SLC38A4: variants seen among roughly 807,000 people sequenced by gnomAD.
The protein encoded by SLC38A4 is solute carrier family 38 member 4.
Under a neutral mutation model 63.1 loss-of-function variants are expected in SLC38A4, and 20 were observed. The observed-to-expected ratio is 0.32, with a 90% CI of 0.22 to 0.46. The LOEUF (loss-of-function observed/expected upper bound fraction) is 0.46. SLC38A4 is among the 20% of genes least tolerant of loss of function. The pLI, the probability that SLC38A4 is intolerant of heterozygous loss-of-function variation, is 1.00. For missense variants in SLC38A4, 526 were observed against 663.6 expected (o/e 0.79, Z 2.28); for synonymous variants, 230 against 225.5 (o/e 1.02, Z -0.18).
chr12:46,794,855 C>T (rs1169440646), intron 2 of SLC38A4, among the ~76,000 whole-genome samples: 1 of 151,606 alleles, frequency 6.6e-6, no homozygotes, highest in African/African-American at 2.4e-5. Context: ...AAATAGCACA[C>T]AGTGTTTTAA....
At chr12:46,816,770 A>T (rs1939449990) in intron 1 of SLC38A4, among the ~76,000 whole-genome samples, 1 of 151,868 alleles carries the variant, frequency 6.6e-6, no homozygotes, top group South Asian at 2.1e-4. Context: ...GGTTTTCTAA[A>T]TTTTTTTGCA....
chr12:46,771,899 G>A (rs532392067), intron 14 of SLC38A4, among the ~76,000 whole-genome samples: 1 of 152,108 alleles, frequency 6.6e-6, no homozygotes, highest in East Asian at 1.9e-4. Context: ...TAGGAACCTG[G>A]AAATGTGGGT....
intron 1 of SLC38A4, among the ~76,000 whole-genome samples, chr12:46,815,278 T>C (rs199882436): frequency 0.14 from 11,599 of 85,310 alleles, 856 homozygotes; most frequent in African/African-American, 0.29. Flanking sequence ...TATATATATA[T>C]ATATATACAC....
intron 13 of SLC38A4, among the ~76,000 whole-genome samples, chr12:46,775,730 G>A (rs1358295327): frequency 6.6e-6 from 1 of 151,940 alleles, no homozygotes; most frequent in African/African-American, 2.4e-5. Flanking sequence ...ATAAGTATAA[G>A]TAACATGCAG....
chr12:46,831,172 G>A (rs923716169), intron 1 of SLC38A4, among the ~76,000 whole-genome samples: 1 of 152,138 alleles, frequency 6.6e-6, no homozygotes, highest in Non-Finnish European at 1.5e-5. Context: ...GGCCCAGAGC[G>A]CAGCGTCCAC....
At position 46,779,628 on chromosome 12, in the gene SLC38A4, C is replaced by G. The variant is rs1565665534; in HGVS notation, c.700G>C (p.Val234Leu). Residue 234 changes from valine to leucine, a missense_variant, in exon 10 of 17, where the codon GTG (valine) becomes CTG (leucine). Transcript: ENST00000266579. ...YTSGFSLTCM[V>L]FFVSVVIYKK... ...TCACTTACCACACTAACAAAAAACA[C>G]CATGCAGGTAAGAGAAAATCCACTG... 1 of 1,604,290 alleles carries G rather than the reference C, an allele frequency of 6.2e-7. No individual in the cohort carries two copies.
intron 3 of SLC38A4, among the ~76,000 whole-genome samples, chr12:46,792,375 T>C (rs899726033): frequency 2.6e-5 from 4 of 152,004 alleles, no homozygotes; most frequent in African/African-American, 9.7e-5. Context: ...TTCACTAGGA[T>C]GGGGATTACT....
chr12:46,775,565 C>T (rs1228135663), intron 13 of SLC38A4, among the ~76,000 whole-genome samples: 1 of 151,934 alleles, frequency 6.6e-6, no homozygotes, highest in Non-Finnish European at 1.5e-5. Flanking sequence ...CCTGCGCAGC[C>T]ACTCCTGATG....
chr12:46,788,907 G>A (rs574126283), intron 3 of SLC38A4, among the ~76,000 whole-genome samples: 1 of 152,258 alleles, frequency 6.6e-6, no homozygotes, highest in South Asian at 2.1e-4. Flanking sequence ...CTATGCAAGA[G>A]ACTACAACTA....
At chr12:46,794,264 AC>A in intron 2 of SLC38A4, among the ~76,000 whole-genome samples, 1 of 152,174 alleles carries the variant, frequency 6.6e-6, no homozygotes, top group Non-Finnish European at 1.5e-5. Context: ...GGCAACTCAC[AC>A]TTGAGAAAAG....
rs187318870 is a variant in SLC38A4 at position 46,789,814 on chromosome 12, C to T, written c.120-1196G>A. On this transcript the variant is annotated intron_variant, in intron 3 of 16. Transcript: ENST00000266579. ...CCTAGAGGCCAGGCACAGTGGCTCA[C>T]GCCTGTAATCCCAGCACTTTGGGAG... Among the ~76,000 whole-genome samples the T allele has an allele frequency of 3.3e-3, 506 of 152,262 alleles. 5 individuals carry two copies. Among genetic ancestry groups the T allele is most frequent in the African/African-American group, 0.011 (476 of 41,554 alleles).
upstream of SLC38A4, among the ~76,000 whole-genome samples, chr12:46,827,065 G>A (rs1226252349): frequency 6.6e-6 from 1 of 152,088 alleles, no homozygotes; most frequent in East Asian, 1.9e-4. Flanking sequence ...GGGAAACAAG[G>A]GAACTGAGAT....
intron 3 of SLC38A4, 65 bp downstream of exon 3, chr12:46,792,888 C>A (rs950424024): frequency 1.7e-6 from 2 of 1,171,950 alleles, no homozygotes; most frequent in Non-Finnish European, 1.3e-6. Context: ...CCATCAAGAC[C>A]CTGTTTTCCA....
chr12:46,790,004 G>C (rs1000992895), intron 3 of SLC38A4, among the ~76,000 whole-genome samples: 1 of 152,152 alleles, frequency 6.6e-6, no homozygotes, highest in African/African-American at 2.4e-5. Flanking sequence ...CTTGAACCTG[G>C]GAGGCAGAGG....
At chr12:46,802,152 C>T (rs1939144084) in intron 2 of SLC38A4, among the ~76,000 whole-genome samples, 1 of 152,046 alleles carries the variant, frequency 6.6e-6, no homozygotes, top group Admixed American at 6.6e-5. Context: ...TGTTTACAGA[C>T]TTTCTAGCTC....
intron 5 of SLC38A4, among the ~76,000 whole-genome samples, chr12:46,786,551 A>C (rs981612232): frequency 2.0e-5 from 3 of 152,158 alleles, no homozygotes; most frequent in Non-Finnish European, 4.4e-5. Flanking sequence ...TTCCTAATTC[A>C]TTTTAATGGT....
chr12:46,822,333 G>A (rs575847945), intron 1 of SLC38A4, among the ~76,000 whole-genome samples: 18 of 152,140 alleles, frequency 1.2e-4, no homozygotes, highest in Admixed American at 2.6e-4. Context: ...ACCTAAGATG[G>A]GAAGACTCCT....
chr12:46,775,719 A>G (rs746669913), intron 13 of SLC38A4, among the ~76,000 whole-genome samples: 82 of 152,030 alleles, frequency 5.4e-4, no homozygotes, highest in Non-Finnish European at 8.7e-4. Context: ...AACTCATTAA[A>G]ATAAGTATAA....
intron 14 of SLC38A4, among the ~76,000 whole-genome samples, chr12:46,770,177 CTCA>C (rs1341289578): frequency 1.3e-5 from 2 of 151,960 alleles, no homozygotes; most frequent in East Asian, 1.9e-4. Flanking sequence ...CAAAACATGT[CTCA>C]TCAGACTGGA....
Sources: allele counts gnomAD v4.1 joint callset (sites outside exome capture counted in the v4.1 genomes callset), GRCh38; gene constraint gnomAD v4.1.1; transcripts MANE v1.5; gene names NCBI Gene and HGNC (gene_info 2026-07-23, HGNC 2026-07-21).